Variants in VCL observed in about 807,000 individuals in gnomAD.
The protein encoded by VCL is epididymis luminal protein 114.
A neutral mutation model predicts 125.7 loss-of-function variants in VCL; 47 were observed. The ratio of observed to expected loss-of-function variants is 0.37; its 90% CI spans 0.30 to 0.48. The LOEUF is 0.48. Ranked by LOEUF, VCL falls within the 20% of genes least tolerant of loss-of-function variation. The pLI, the probability that VCL is intolerant of heterozygous loss-of-function variation, is 0.99. For missense variants in VCL, 1,069 were observed against 1,455.5 expected (o/e 0.73, Z 4.32); for synonymous variants, 458 against 514.6 (o/e 0.89, Z 1.49).
intron 20 of VCL, among the ~76,000 whole-genome samples, 177 bp downstream of exon 20, chr10:74,114,564 G>A (rs554073368): frequency 6.6e-6 from 1 of 151,502 alleles, no homozygotes; most frequent in African/African-American, 2.4e-5. Context: ...CAAATGTACT[G>A]GGAAAGACAG....
intron 1 of VCL, among the ~76,000 whole-genome samples, chr10:74,003,804 C>T (rs12245468): frequency 0.024 from 3,633 of 152,256 alleles, 149 homozygotes; most frequent in African/African-American, 0.083. Context: ...ACTGCAGCCT[C>T]GAACTCCTGG....
At position 74,074,898 on chromosome 10, in the gene VCL, A is replaced by G; in HGVS notation, c.778A>G (p.Ser260Gly). 10 of 1,614,192 alleles carry G rather than the reference A, an allele frequency of 6.2e-6. No homozygotes were observed. Among genetic ancestry groups the G allele is most frequent in the Non-Finnish European group, 1.7e-6 (2 of 1,180,014 alleles). ...CTCTTGGGATGAAGATGCCTGGGCCAGCAAGGTACGTGTTCTTAGTGGAGA... is the reference window on the plus strand; with the variant it reads ...CTCTTGGGATGAAGATGCCTGGGCCGGCAAGGTACGTGTTCTTAGTGGAGA... ...LTSWDEDAWA[S>G]KDTEAMKRAL... is the part of the protein sequence containing the mutation. The change falls in exon 6 of 22, where the codon AGC becomes GGC. Residue 260 changes from serine to glycine, a missense_variant. Coordinates refer to ENST00000211998, the MANE Select transcript of VCL (RefSeq NM_014000.3).
chr10:73,998,989 C>T (rs1840173060), intron 1 of VCL, among the ~76,000 whole-genome samples: 1 of 152,206 alleles, frequency 6.6e-6, no homozygotes, highest in Non-Finnish European at 1.5e-5. Context: ...CTGTCGCCTC[C>T]TCCTCCCTCC....
chr10:74,098,297 A>T (rs989257163), intron 13 of VCL, among the ~76,000 whole-genome samples: 9 of 152,122 alleles, frequency 5.9e-5, no homozygotes, highest in Non-Finnish European at 8.8e-5. Flanking sequence ...AGATAACACC[A>T]CCACCCCAAC....
At chr10:74,055,030 T>C (rs1841368625) in intron 2 of VCL, among the ~76,000 whole-genome samples, 1 of 152,176 alleles carries the variant, frequency 6.6e-6, no homozygotes, top group South Asian at 2.1e-4. Context: ...CCGGGTGCGA[T>C]GGCTCACACC....
In VCL at chr10:74,089,289, C is replaced by A. The variant is rs1171854518; in HGVS notation, c.1116C>A (p.Arg372=). Residue 372 remains arginine (R), a synonymous_variant, in exon 9 of 22, where the codon CGC becomes CGA. Transcript: ENST00000211998. ...CAGCAAAAGTGGAAAATGCAGCTCGCAAGCTGGAAGCCATGACCAACTCAA... is the reference window on the plus strand; with the variant it reads ...CAGCAAAAGTGGAAAATGCAGCTCGAAAGCTGGAAGCCATGACCAACTCAA... ...VLTAKVENAA[R]KLEAMTNSKQ... is the part of the protein sequence containing the mutation. The A allele has an allele frequency of 1.2e-6, 2 of 1,613,920 alleles. No homozygotes were observed. Among genetic ancestry groups the A allele is most frequent in the Admixed American group, 1.7e-5 (1 of 59,984 alleles).
chr10:74,018,871 G>C (rs1332543090), intron 1 of VCL, among the ~76,000 whole-genome samples: 1 of 152,124 alleles, frequency 6.6e-6, no homozygotes, highest in Non-Finnish European at 1.5e-5. Context: ...TCTAGAGATA[G>C]TTTGTGCACA....
chr10:74,114,650 A>T (rs1384902679), intron 20 of VCL, 145 bp from the exon 21 acceptor site: 1 of 985,358 alleles, frequency 1.0e-6, no homozygotes, highest in African/African-American at 1.6e-5. Context: ...CCCTAGGGGA[A>T]AAAACAAGTG....
At chr10:74,052,497 CCCGCAAGT>C (rs1841320290) in intron 2 of VCL, among the ~76,000 whole-genome samples, 1 of 151,636 alleles carries the variant, frequency 6.6e-6, no homozygotes, top group East Asian at 1.9e-4. Flanking sequence ...ATGCCTCAGC[CCCGCAAGT>C]AGCTGGGACT....
At position 74,048,464 on chromosome 10, in the gene VCL, CAAAAA is replaced by C. The variant is rs369346650; in HGVS notation, c.239+5323_239+5327del. 1.0e-4 allele frequency among the ~76,000 whole-genome samples: 12 copies of C among 119,248 alleles called. No homozygotes were observed. The South Asian group carries it at 3.4e-3, about 34-fold the overall frequency. 78.2% of individuals were successfully genotyped at this position (119,248 alleles called of 152,430 possible). ...CCTGGGCAAGAGCGAAACTCTGTCT[CAAAAA>C]AAAAAAAAAAAGAAAAGAAATCATT... is the stretch of plus-strand genomic sequence containing the variant. On this transcript the variant is annotated intron_variant, in intron 2 of 21. Transcript: ENST00000211998.
At position 74,090,169 on chromosome 10, in the gene VCL, G is replaced by A; in HGVS notation, c.1323G>A (p.Leu441=). The change falls in exon 10 of 22, where the codon CTG becomes CTA. Residue 441 remains leucine, a synonymous_variant. Coordinates refer to ENST00000211998, the MANE Select transcript of VCL (RefSeq NM_014000.3). ...ILRSLGEISA[L]TSKLADLRRQ... is the part of the protein sequence containing the mutation. Reference sequence around the variant, plus strand: ...GTTCCCTTGGGGAAATATCTGCTCTGACTTCTAAATTAGCAGATCTACGAA... The same window carrying A: ...GTTCCCTTGGGGAAATATCTGCTCTAACTTCTAAATTAGCAGATCTACGAA... 1 of 1,614,166 alleles carries A rather than the reference G, an allele frequency of 6.2e-7. No individual in the cohort carries two copies. The highest frequency in any genetic ancestry group is 8.5e-7 in the Non-Finnish European group (1 of 1,180,034).
chr10:74,080,937 A>T (rs1355675685), intron 6 of VCL, among the ~76,000 whole-genome samples: 1 of 152,192 alleles, frequency 6.6e-6, no homozygotes, highest in Non-Finnish European at 1.5e-5. Context: ...TTTCTGCACA[A>T]ATTAATTTAA....
chr10:74,068,775 C>G (rs932162627), intron 2 of VCL, among the ~76,000 whole-genome samples: 2 of 151,992 alleles, frequency 1.3e-5, no homozygotes, highest in African/African-American at 4.8e-5. Flanking sequence ...CATTTACATA[C>G]AGAGGAAATA....
chr10:74,029,828 T>C (rs1413066205), intron 1 of VCL, among the ~76,000 whole-genome samples: 1 of 152,186 alleles, frequency 6.6e-6, no homozygotes, highest in Non-Finnish European at 1.5e-5. Context: ...TGTTTTTTTC[T>C]GATTATGAAG....
intron 2 of VCL, among the ~76,000 whole-genome samples, chr10:74,047,418 G>C (rs1023825452): frequency 6.6e-6 from 1 of 152,226 alleles, no homozygotes; most frequent in African/African-American, 2.4e-5. Context: ...CAGGGACAGA[G>C]AAGGGGGAAA....
At chr10:74,093,907 T>G (rs1042993850) in intron 10 of VCL, among the ~76,000 whole-genome samples, 1 of 152,210 alleles carries the variant, frequency 6.6e-6, no homozygotes, top group Admixed American at 6.5e-5. Flanking sequence ...CTGTTTCAGC[T>G]GCTCCTACAA....
At chr10:74,113,994 C>T (rs926576056) in intron 19 of VCL, among the ~76,000 whole-genome samples, 190 bp from the exon 20 acceptor site, 1 of 152,094 alleles carries the variant, frequency 6.6e-6, no homozygotes, top group African/African-American at 2.4e-5. Flanking sequence ...TGGGCGAGTG[C>T]CCTGTCTCAT....
At chr10:74,022,097 T>C (rs2136234212) in intron 1 of VCL, among the ~76,000 whole-genome samples, 1 of 152,260 alleles carries the variant, frequency 6.6e-6, no homozygotes, top group East Asian at 1.9e-4. Context: ...CCCTAACCCC[T>C]TTCTGATTGT....
chr10:74,109,684 T>C (rs1311129292), intron 18 of VCL, among the ~76,000 whole-genome samples: 1 of 152,088 alleles, frequency 6.6e-6, no homozygotes, highest in Non-Finnish European at 1.5e-5. Context: ...AGGCTGTCTC[T>C]TACTCAGCAA....
Sources: allele counts gnomAD v4.1 joint callset (sites outside exome capture counted in the v4.1 genomes callset), GRCh38; gene constraint gnomAD v4.1.1; transcripts MANE v1.5; gene names NCBI Gene and HGNC (gene_info 2026-07-23, HGNC 2026-07-21).